Variants in MTA3 observed in about 807,000 individuals in gnomAD.
MTA3 encodes metastasis associated 1 family member 3, also known as metastasis-associated protein MTA3.
In MTA3, 34 loss-of-function variants were observed where a neutral mutation model predicts 83.5. The observed-to-expected ratio is 0.41, with a 90% CI of 0.31 to 0.54. MTA3 has a LOEUF of 0.54. Among genes scored for constraint, MTA3 ranks in the 20% least tolerant of loss-of-function variants. The probability of loss-of-function intolerance (pLI) is 0.33; values close to 1 mark genes in which losing one functional copy is unlikely to be tolerated. For synonymous variants in MTA3, 303 were observed against 252.7 expected, an observed-to-expected ratio of 1.20 and a Z score of -1.89; for missense variants, 761 against 726.4, an observed-to-expected ratio of 1.05 and a Z score of -0.55.
intron 4 of MTA3, among the ~76,000 whole-genome samples, chr2:42,614,635 A>T (rs1273782574): frequency 6.6e-6 from 1 of 151,410 alleles, no homozygotes; most frequent in African/African-American, 2.4e-5. Flanking sequence ...TATATAACCC[A>T]GTCTTATATA....
rs1340003135 is a variant in MTA3 at position 42,723,013 on chromosome 2, C to T, written c.1737C>T (p.Tyr579=). 4 of 1,550,884 alleles carry T rather than the reference C, an allele frequency of 2.6e-6. No individual in the cohort carries two copies. The highest frequency in any genetic ancestry group is 3.5e-6 in the Non-Finnish European group (4 of 1,147,032). The change falls in exon 16 of 17, where the codon TAC becomes TAT. Residue 579 remains tyrosine, a synonymous_variant. Transcript: ENST00000405094. Reference sequence around the variant, plus strand: ...TGAGCATTCTGGGGAAAAGAAACTACAGTCATCACAATGGTCTGGATGGTA... The same window carrying T: ...TGAGCATTCTGGGGAAAAGAAACTATAGTCATCACAATGGTCTGGATGGTA... ...TSLSILGKRN[Y]SHHNGLDELT...
At chr2:42,644,985 C>T (rs554406817) in intron 6 of MTA3, among the ~76,000 whole-genome samples, 18 of 152,156 alleles carry the variant, frequency 1.2e-4, no homozygotes, top group African/African-American at 4.1e-4. Flanking sequence ...GGAAAAGTAG[C>T]ATGTCTCTCA....
chr2:42,618,852 C>G (rs897839426), intron 4 of MTA3, among the ~76,000 whole-genome samples: 1 of 152,122 alleles, frequency 6.6e-6, no homozygotes, highest in African/African-American at 2.4e-5. Flanking sequence ...CTAAAGTGAT[C>G]CTCTTGCCTC....
chr2:42,718,991 C>T lies in MTA3; in HGVS notation c.1529C>T (p.Ala510Val). The T allele has an allele frequency of 6.5e-7, 1 of 1,549,360 alleles. No individual in the cohort carries two copies. The highest frequency in any genetic ancestry group is 8.7e-7 in the Non-Finnish European group (1 of 1,145,998). Reference sequence around the variant, plus strand: ...CCATGTTTCTTTCTCTCCTCAGATGCAGACAGACATGCTGAACTATCTGGA... The same window carrying T: ...CCATGTTTCTTTCTCTCCTCAGATGTAGACAGACATGCTGAACTATCTGGA... ...INYAAIRAEY[A>V]DRHAELSGSP... is the part of the protein sequence containing the mutation. The change falls in exon 15 of 17, where the codon GCA (alanine) becomes GTA (valine). Residue 510 changes from alanine (A) to valine (V), a missense_variant. Coordinates refer to ENST00000405094, the MANE Select transcript of MTA3 (RefSeq NM_001330442.2).
In MTA3 at chr2:42,675,611, T is replaced by C. The variant is rs138579334; in HGVS notation, c.703-6790T>C. 5.1e-4 allele frequency among the ~76,000 whole-genome samples: 78 copies of C among 152,320 alleles called. 1 individual carries two copies. The East Asian group carries it at 0.014, about 27-fold the overall frequency. On this transcript the variant is annotated intron_variant, in intron 8 of 16. Coordinates refer to ENST00000405094, the MANE Select transcript of MTA3 (RefSeq NM_001330442.2). ...CAGCTTCCCTTCTGCTCCTCTCCAG[T>C]TAGGAAATCACTATTCTGCCTTCTC...
intron 16 of MTA3, among the ~76,000 whole-genome samples, chr2:42,749,701 C>G (rs1669721160): frequency 6.6e-6 from 1 of 151,794 alleles, no homozygotes; most frequent in African/African-American, 2.4e-5. Context: ...CTCCTGACCT[C>G]AAGTGATCCT....
At chr2:42,510,954 C>G (rs1269787575) in intron 2 of MTA3, among the ~76,000 whole-genome samples, 1 of 152,188 alleles carries the variant, frequency 6.6e-6, no homozygotes, top group African/African-American at 2.4e-5. Context: ...GAGGAGAGCT[C>G]CCTTTACCAA....
chr2:42,688,860 C>T (rs1042895725), intron 9 of MTA3, among the ~76,000 whole-genome samples: 1 of 151,930 alleles, frequency 6.6e-6, no homozygotes, highest in Non-Finnish European at 1.5e-5. Context: ...ATTTCCAATA[C>T]AGTGTTCAAA....
chr2:42,677,249 A>C (rs1022815322), intron 8 of MTA3, among the ~76,000 whole-genome samples: 3 of 152,028 alleles, frequency 2.0e-5, no homozygotes, highest in African/African-American at 7.2e-5. Context: ...TGTGGGAGGG[A>C]CCACCGGGGG....
At chr2:42,510,314 A>G (rs1674838963) in intron 2 of MTA3, among the ~76,000 whole-genome samples, 2 of 139,628 alleles carry the variant, frequency 1.4e-5, no homozygotes, top group South Asian at 2.5e-4. Flanking sequence ...CGACTCAGAA[A>G]AAAAAAAAAA....
rs572638966 is a variant in MTA3 at position 42,523,483 on chromosome 2, A to C, written c.-141+28229A>C. On this transcript the variant is annotated intron_variant, in intron 2 of 17. Transcript: ENST00000405592. Reference sequence around the variant, plus strand: ...AGGAAGATGAAGAAGAAAGAGCTACAAGAGGAAGAAACCTGACCCCTCAGT... The same window carrying C: ...AGGAAGATGAAGAAGAAAGAGCTACCAGAGGAAGAAACCTGACCCCTCAGT... Among the ~76,000 whole-genome samples, 366 of 152,302 alleles carry C rather than the reference A, an allele frequency of 2.4e-3. 6 individuals are homozygous for C. Among genetic ancestry groups the C allele is most frequent in the South Asian group, 0.023 (110 of 4,818 alleles).
chr2:42,581,769 AT>A, intron 3 of MTA3: 1 of 289,008 alleles, frequency 3.5e-6, no homozygotes, highest in South Asian at 3.0e-5. Flanking sequence ...ATTTTATTTT[AT>A]TTTTATTTAT....
At chr2:42,718,955 A>G (rs1186083434) in intron 14 of MTA3, 33 bp from the exon 15 acceptor site, 2 of 1,487,862 alleles carry the variant, frequency 1.3e-6, no homozygotes, top group South Asian at 1.2e-5. Flanking sequence ...AATCCATTTC[A>G]TTGGTTATCT....
In MTA3 at chr2:42,753,542, C is replaced by A; in HGVS notation, c.*143C>A. ...GTGCATCCATGGAGACGCAATGGGG[C>A]GGGGAAGGAACTGTGGGAGTGCACG... is the stretch of plus-strand genomic sequence containing the variant. On this transcript the variant is annotated 3_prime_UTR_variant, in exon 17 of 17. Transcript: ENST00000405094. 1 of 1,477,208 alleles carries A rather than the reference C, an allele frequency of 6.8e-7. No individual in the cohort carries two copies. Among genetic ancestry groups the A allele is most frequent in the African/African-American group, 1.4e-5 (1 of 71,384 alleles). The allele number at this position is 1,477,208 out of a possible 1,614,324, so 91.5% of individuals were successfully genotyped here.
exon 1 of MTA3, chr2:42,494,895 G>C (rs1022511045): frequency 6.6e-6 from 1 of 152,386 alleles, no homozygotes; most frequent in South Asian, 2.1e-4. Context: ...CCGCGCTCTT[G>C]TCCGTGCCCA....
At chr2:42,748,386 A>G (rs1669610192) in intron 16 of MTA3, among the ~76,000 whole-genome samples, 1 of 152,188 alleles carries the variant, frequency 6.6e-6, no homozygotes, top group Non-Finnish European at 1.5e-5. Flanking sequence ...TTATATATAA[A>G]TGGAGTCATA....
intron 3 of MTA3, among the ~76,000 whole-genome samples, chr2:42,598,298 C>G (rs1394503498): frequency 6.6e-6 from 1 of 150,886 alleles, no homozygotes; most frequent in African/African-American, 2.4e-5. Flanking sequence ...ATCTCCTGAC[C>G]TCGTGATCCA....
chr2:42,609,897 G>A (rs11124886), intron 4 of MTA3, among the ~76,000 whole-genome samples: 56,085 of 151,876 alleles, frequency 0.37, 10,584 homozygotes, highest in Middle Eastern at 0.48. Flanking sequence ...TCAGGAATTC[G>A]AGACCAGCCT....
rs1573344515 is a variant in MTA3, at chr2:42,622,463, G to A, written c.317+12879G>A. 2.6e-5 allele frequency among the ~76,000 whole-genome samples: 4 copies of A among 152,096 alleles called. No homozygotes were observed. The East Asian group carries it at 7.7e-4, about 29-fold the overall frequency. Reference sequence around the variant, plus strand: ...GGGATCTTATTAGAGTTTTATATTTGTTTCGGGAAATAGTAATTATTCATA... The same window carrying A: ...GGGATCTTATTAGAGTTTTATATTTATTTCGGGAAATAGTAATTATTCATA... On this transcript the variant is annotated intron_variant, in intron 4 of 16. Transcript: ENST00000405094.
Sources: gnomAD v4.1 joint callset for allele counts (sites outside exome capture counted in the v4.1 genomes callset) on GRCh38, gnomAD v4.1.1 for gene constraint, MANE v1.5 for transcripts, NCBI Gene and HGNC (gene_info 2026-07-23, HGNC 2026-07-21) for gene names.